SUPT7L: variants seen among roughly 807,000 people sequenced by gnomAD.
SUPT7L encodes STAGA complex 65 subunit gamma.
SUPT7L carries 15 observed loss-of-function variants against 35.7 expected under a neutral mutation model. The ratio of observed to expected loss-of-function variants is 0.42; its 90% CI spans 0.28 to 0.65. The LOEUF is 0.65. Among genes scored for constraint, SUPT7L ranks in the 30% least tolerant of loss-of-function variants. SUPT7L has a pLI of 0.23. For synonymous variants in SUPT7L, 168 were observed against 186.2 expected, an observed-to-expected ratio of 0.90 and a Z score of 0.79; for missense variants, 434 against 522.2, an observed-to-expected ratio of 0.83 and a Z score of 1.65.
Position 27,661,279 on chromosome 2 carries a change from GT to G in SUPT7L, c.123del (p.Gln41HisfsTer29). 6.2e-7 allele frequency: 1 copy of G among 1,613,766 alleles called. No individual in the cohort carries two copies. ...GGGGGCTTCGGCTTGTTGGCTGAGG[GT>G]TGGTGCAGGGGTGGGTCATGGACTT... Reference protein sequence around the residue: ...LVEVHDPPLHQPSANKPKPPT... With the variant: ...LVEVHDPPLHXPSANKPKPPT... On this transcript the variant is annotated frameshift_variant, in exon 3 of 6. Transcript: ENST00000337768. LOFTEE classifies it high-confidence loss of function.
downstream of SUPT7L, among the ~76,000 whole-genome samples, chr2:27,647,383 T>C (rs1674287354): frequency 6.6e-6 from 1 of 152,228 alleles, no homozygotes; most frequent in Non-Finnish European, 1.5e-5. Flanking sequence ...CCTGGCTCCT[T>C]GATAACATTT....
chr2:27,648,067 AAG>A (rs1199930846), downstream of SUPT7L: 3 of 642,920 alleles, frequency 4.7e-6, no homozygotes, highest in Non-Finnish European at 8.5e-6. Context: ...AGCACCAGAA[AAG>A]AGTTTCCTAT....
At chr2:27,646,164 C>T (rs1280511258), downstream of SUPT7L, among the ~76,000 whole-genome samples, 3 of 152,210 alleles carry the variant, frequency 2.0e-5, no homozygotes, top group Non-Finnish European at 4.4e-5. Flanking sequence ...GCCTCAGCCT[C>T]CTGTGTAGCT....
At chr2:27,647,996 A>AT, downstream of SUPT7L, 1 of 986,748 alleles carries the variant, frequency 1.0e-6, no homozygotes, top group Non-Finnish European at 1.6e-6. Context: ...TTATCCTCAC[A>AT]TTGTTTGCCC....
intron 1 of SUPT7L, among the ~76,000 whole-genome samples, chr2:27,662,950 C>CTT (rs11315948): frequency 8.3e-4 from 85 of 102,516 alleles, no homozygotes; most frequent in Admixed American, 1.2e-3. Context: ...TGGATTTTTT[C>CTT]TTTTTTTTTT....
chr2:27,648,394 C>G (rs958349189), downstream of SUPT7L, among the ~76,000 whole-genome samples: 10 of 152,000 alleles, frequency 6.6e-5, no homozygotes, highest in African/African-American at 1.2e-4. Flanking sequence ...TTACTCACAC[C>G]TGTAGTTCAA....
At chr2:27,661,942 TTAATC>T (rs1675133684) in intron 2 of SUPT7L, 1 of 585,358 alleles carries the variant, frequency 1.7e-6, no homozygotes, top group South Asian at 2.1e-5. Context: ...TTATGAACCA[TTAATC>T]TAAATGGCAT....
intron 3 of SUPT7L, among the ~76,000 whole-genome samples, chr2:27,660,145 T>A (rs565108395): frequency 1.2e-4 from 18 of 152,208 alleles, no homozygotes; most frequent in Non-Finnish European, 2.6e-4. Context: ...ATTCTGCATA[T>A]CTAAAAAACT....
chr2:27,653,891 G>C, intron 5 of SUPT7L, 144 bp from the exon 6 acceptor site: 4 of 1,082,532 alleles, frequency 3.7e-6, no homozygotes, highest in Non-Finnish European at 5.2e-6. Context: ...GGAGAATATG[G>C]TTGTTACTCT....
At chr2:27,654,012 AG>A (rs898442862) in intron 5 of SUPT7L, among the ~76,000 whole-genome samples, 4 of 152,006 alleles carry the variant, frequency 2.6e-5, no homozygotes, top group Admixed American at 6.6e-5. Flanking sequence ...CCCCTAAACC[AG>A]GGAAGTGAAA....
the SUPT7L span, among the ~76,000 whole-genome samples, chr2:27,645,272 A>T: frequency 6.7e-6 from 1 of 148,374 alleles, no homozygotes; most frequent in African/African-American, 2.5e-5. Flanking sequence ...TCCCCAGCCC[A>T]TTTTTTTTTT....
chr2:27,656,110 A>T (rs1674796429), intron 4 of SUPT7L, among the ~76,000 whole-genome samples: 1 of 151,976 alleles, frequency 6.6e-6, no homozygotes, highest in African/African-American at 2.4e-5. Context: ...GCTTGTAGTG[A>T]GCTGTGATTG....
intron 1 of SUPT7L, among the ~76,000 whole-genome samples, chr2:27,662,950 CTTTTTTTTT>C (rs11315948): frequency 9.8e-6 from 1 of 102,504 alleles, no homozygotes; most frequent in Admixed American, 1.3e-4. Context: ...TGGATTTTTT[CTTTTTTTTT>C]TTTTTTTTTG....
At chr2:27,647,414 CCTT>C (rs1421706534), downstream of SUPT7L, among the ~76,000 whole-genome samples, 1 of 152,168 alleles carries the variant, frequency 6.6e-6, no homozygotes, top group East Asian at 1.9e-4. Flanking sequence ...TTTCTGCAGA[CCTT>C]CTCTGAACTT....
chr2:27,642,950 T>TACACAC, the SUPT7L span, among the ~76,000 whole-genome samples: 36 of 37,650 alleles, frequency 9.6e-4, no homozygotes, highest in Admixed American at 3.5e-3. Context: ...GTTTTATATA[T>TACACAC]ATATATATAC....
chr2:27,661,572 A>G, intron 2 of SUPT7L, 184 bp from the exon 3 acceptor site: 12 of 1,429,728 alleles, frequency 8.4e-6, no homozygotes, highest in Admixed American at 3.0e-5. Context: ...TGTCAGTGTC[A>G]GCAAAACTGT....
downstream of SUPT7L, among the ~76,000 whole-genome samples, chr2:27,646,161 C>T (rs1024522437): frequency 6.6e-6 from 1 of 152,198 alleles, no homozygotes; most frequent in African/African-American, 2.4e-5. Flanking sequence ...TGTGCCTCAG[C>T]CTCCTGTGTA....
intron 4 of SUPT7L, among the ~76,000 whole-genome samples, chr2:27,656,941 T>C (rs1674833225): frequency 1.3e-5 from 2 of 152,224 alleles, no homozygotes; most frequent in Non-Finnish European, 2.9e-5. Context: ...GCCCAGCTCC[T>C]GAAATTGTTT....
chr2:27,642,676 G>A, the SUPT7L span, among the ~76,000 whole-genome samples: 1 of 152,048 alleles, frequency 6.6e-6, no homozygotes, highest in Non-Finnish European at 1.5e-5. Context: ...CAGTTCTCCT[G>A]CCTCAGCCTT....
Sources: gnomAD v4.1 joint callset for allele counts (sites outside exome capture counted in the v4.1 genomes callset) on GRCh38, gnomAD v4.1.1 for gene constraint, MANE v1.5 for transcripts, NCBI Gene and HGNC (gene_info 2026-07-23, HGNC 2026-07-21) for gene names.